The following GSE1 variants were observed in gnomAD, a reference collection of about 807,000 sequenced individuals.
GSE1 encodes the protein Gse1 coiled-coil protein.
In GSE1, 32 loss-of-function variants were observed where a neutral mutation model predicts 112.6. The observed-to-expected ratio is 0.28, with a 90% CI of 0.21 to 0.38. GSE1 has a LOEUF of 0.38. GSE1 is among the 10% of genes least tolerant of loss of function. GSE1 has a pLI of 1.00. For synonymous variants in GSE1, 1,115 were observed against 735.6 expected, an observed-to-expected ratio of 1.52 and a Z score of -8.35; for missense variants, 2,348 against 1,699.2, an observed-to-expected ratio of 1.38 and a Z score of -6.71.
rs116894002 is a variant in GSE1 at position 85,265,784 on chromosome 16, C to T, written c.2284-91679C>T. Among the ~76,000 whole-genome samples the T allele has an allele frequency of 7.7e-3, 1,165 of 152,228 alleles. 10 individuals are homozygous for T. Among genetic ancestry groups the T allele is most frequent in the Non-Finnish European group, 0.013 (863 of 68,020 alleles). The stretch of plus-strand genomic sequence containing the variant: ...TGGGGTGCCCGAACATCCCATGCAT[C>T]GCCGGGGTCCAGGCTTGTGTGACGT... On this transcript the variant is annotated intron_variant, in intron 1 of 2. Transcript: ENST00000637419.
chr16:85,210,037 A>G (rs565338141), intron 1 of GSE1, among the ~76,000 whole-genome samples: 1 of 152,368 alleles, frequency 6.6e-6, no homozygotes, highest in Non-Finnish European at 1.5e-5. Flanking sequence ...AGTCCCAACT[A>G]TTAGCATACC....
intron 1 of GSE1, among the ~76,000 whole-genome samples, chr16:85,559,613 AGGT>A (rs2045415456): frequency 6.6e-6 from 1 of 151,758 alleles, no homozygotes; most frequent in African/African-American, 2.4e-5. Context: ...CCTGTTTGAC[AGGT>A]GAGAGGACTG....
intron 1 of GSE1, chr16:85,278,750 G>T: frequency 6.5e-6 from 1 of 153,868 alleles, no homozygotes; most frequent in African/African-American, 2.4e-5. Flanking sequence ...ATGTTTCATA[G>T]TTCAGGAACA....
At chr16:85,617,189 G>A (rs2048424018) in intron 1 of GSE1, among the ~76,000 whole-genome samples, 1 of 152,130 alleles carries the variant, frequency 6.6e-6, no homozygotes, top group Non-Finnish European at 1.5e-5. Flanking sequence ...TGCCTCCCTC[G>A]CATCCATACT....
rs148071392 is a variant in GSE1, at chr16:85,256,617, C to T, written c.2283+84810C>T. The stretch of plus-strand genomic sequence containing the variant: ...GCTTACGCTGTATTTCCATCCGGGA[C>T]CCCGGATTCCACCAGCTCCTCCCCA... On this transcript the variant is annotated intron_variant, in intron 1 of 2. Coordinates refer to the GSE1 transcript ENST00000637419. Among the ~76,000 whole-genome samples the T allele has an allele frequency of 2.3e-3, 348 of 152,348 alleles. 2 individuals are homozygous for T. The highest frequency in any genetic ancestry group is 8.2e-3 in the African/African-American group (341 of 41,578).
intron 1 of GSE1, among the ~76,000 whole-genome samples, chr16:85,198,683 C>T (rs532909567): frequency 2.0e-5 from 3 of 152,248 alleles, no homozygotes; most frequent in South Asian, 2.1e-4. Flanking sequence ...CATTTGATTC[C>T]GCCCTACACT....
At chr16:85,461,260 C>G (rs1376534173) in intron 2 of GSE1, among the ~76,000 whole-genome samples, 1 of 152,198 alleles carries the variant, frequency 6.6e-6, no homozygotes, top group African/African-American at 2.4e-5. Flanking sequence ...GCATCCCTGG[C>G]CTCTACCCAC....
chr16:85,589,187 T>G (rs1459474248), intron 1 of GSE1, among the ~76,000 whole-genome samples: 1 of 151,920 alleles, frequency 6.6e-6, no homozygotes, highest in African/African-American at 2.4e-5. Flanking sequence ...GAAAGGAACG[T>G]TGGTGACCAC....
intron 1 of GSE1, among the ~76,000 whole-genome samples, chr16:85,294,616 A>ACTCACTCTCTCT (rs2045310814): frequency 5.2e-5 from 4 of 76,596 alleles, no homozygotes; most frequent in Non-Finnish European, 6.9e-5. Flanking sequence ...CACGCCTCTC[A>ACTCACTCTCTCT]CTCTCTCTCT....
intron 1 of GSE1, among the ~76,000 whole-genome samples, chr16:85,315,167 G>C (rs1341751349): frequency 6.6e-6 from 1 of 152,052 alleles, no homozygotes; most frequent in East Asian, 1.9e-4. Flanking sequence ...ACCACCGCAG[G>C]GTGATCTTTT....
intron 2 of GSE1, among the ~76,000 whole-genome samples, chr16:85,444,497 C>T (rs554595527): frequency 1.2e-4 from 19 of 152,262 alleles, no homozygotes; most frequent in African/African-American, 3.4e-4. Context: ...GAGGCAACAC[C>T]GGACAGCCTG....
chr16:85,395,935 A>G (rs1221277924), intron 2 of GSE1, among the ~76,000 whole-genome samples: 1 of 152,094 alleles, frequency 6.6e-6, no homozygotes, highest in African/African-American at 2.4e-5. Flanking sequence ...GAGTCCCCCC[A>G]GCCTGCAGAG....
chr16:85,464,145 G>C (rs1005054421), intron 2 of GSE1, among the ~76,000 whole-genome samples: 1 of 151,770 alleles, frequency 6.6e-6, no homozygotes, highest in Non-Finnish European at 1.5e-5. Context: ...TCCTCTCTCT[G>C]TGTGCACCTC....
chr16:85,639,856 C>T (rs867426525), intron 2 of GSE1, among the ~76,000 whole-genome samples: 12 of 152,230 alleles, frequency 7.9e-5, no homozygotes, highest in Admixed American at 3.3e-4. Context: ...CCCGCAGGGA[C>T]GCAGCGCCCG....
At chr16:85,356,967 G>T (rs1288947379) in intron 1 of GSE1, among the ~76,000 whole-genome samples, 20 of 152,196 alleles carry the variant, frequency 1.3e-4, no homozygotes, top group Admixed American at 1.3e-3. Context: ...TCCCTGATTT[G>T]CAGGGTGCGG....
At chr16:85,326,667 C>T (rs538226315) in intron 1 of GSE1, among the ~76,000 whole-genome samples, 1 of 152,220 alleles carries the variant, frequency 6.6e-6, no homozygotes, top group African/African-American at 2.4e-5. Context: ...TCAATTAAAC[C>T]TCTTTTCTTT....
chr16:85,325,473 CAG>C (rs72167168), intron 1 of GSE1, among the ~76,000 whole-genome samples: 5,303 of 151,560 alleles, frequency 0.035, 296 homozygotes, highest in African/African-American at 0.12. Context: ...TTTTTTGAGA[CAG>C]AGTTTCACTT....
intron 1 of GSE1, among the ~76,000 whole-genome samples, chr16:85,274,855 A>G (rs1367184406): frequency 6.6e-6 from 1 of 152,266 alleles, no homozygotes; most frequent in Non-Finnish European, 1.5e-5. Context: ...ACCTGCAGAA[A>G]GCTCAGTCCT....
chr16:85,272,453 G>A (rs1446060114), intron 1 of GSE1, among the ~76,000 whole-genome samples: 2 of 152,166 alleles, frequency 1.3e-5, no homozygotes, highest in Non-Finnish European at 2.9e-5. Context: ...CTGGAAAACG[G>A]TCTGGTTTTG....
Sources: gnomAD v4.1 joint callset for allele counts (sites outside exome capture counted in the v4.1 genomes callset) on GRCh38, gnomAD v4.1.1 for gene constraint, MANE v1.5 for transcripts, NCBI Gene and HGNC (gene_info 2026-07-23, HGNC 2026-07-21) for gene names.